CCDC167: variants seen among roughly 807,000 people sequenced by gnomAD.
The protein encoded by CCDC167 is coiled-coil domain containing 167.
A neutral mutation model predicts 12.7 loss-of-function variants in CCDC167; 15 were observed. The observed-to-expected ratio is 1.18, with a 90% confidence interval of 0.79 to 1.81. CCDC167 has a LOEUF of 1.81. CCDC167 is among the 40% of genes most tolerant of loss of function. CCDC167 has a pLI of 0.00. For missense variants in CCDC167, 121 were observed against 120.1 expected, an observed-to-expected ratio of 1.01 and a Z score of -0.03; for synonymous variants, 52 against 49.0, an observed-to-expected ratio of 1.06 and a Z score of -0.26.
At position 37,485,169 on chromosome 6, in the gene CCDC167, G is replaced by A; in HGVS notation, c.68C>T (p.Ser23Phe). 1.2e-6 allele frequency: 2 copies of A among 1,613,508 alleles called. No individual in the cohort carries two copies. The highest frequency in any genetic ancestry group is 1.1e-5 in the South Asian group (1 of 91,078). The change falls in exon 2 of 4, where the codon TCC becomes TTC. Residue 23 changes from serine (S) to phenylalanine (F), a missense_variant. Physicochemically the swap from Ser to Phe is radical, Grantham distance 155 (BLOSUM62 -2). Coordinates refer to ENST00000373408, the MANE Select transcript of CCDC167 (RefSeq NM_138493.3). ...GGCCTCCAGGTCTCTCCGACACTGGGACAGCTTCTCCTCTAGCCCATCGAT... is the reference window on the plus strand; with the variant it reads ...GGCCTCCAGGTCTCTCCGACACTGGAACAGCTTCTCCTCTAGCCCATCGAT... ...LEIDGLEEKL[S>F]QCRRDLEAVN...
intron 1 of CCDC167, 91 bp downstream of exon 1, chr6:37,499,731 C>T (rs941475751): frequency 5.0e-6 from 7 of 1,406,732 alleles, no homozygotes; most frequent in Non-Finnish European, 7.0e-6. Context: ...ACGCTTGGCT[C>T]CTCCTCCTAT....
intron 1 of CCDC167, among the ~76,000 whole-genome samples, chr6:37,496,357 C>T (rs549162318): frequency 2.0e-5 from 3 of 152,126 alleles, no homozygotes; most frequent in South Asian, 2.1e-4. Flanking sequence ...TGCTTGAACC[C>T]GGGAGGCTGG....
Position 37,483,074 on chromosome 6 carries a change from G to T in CCDC167, c.*112C>A. ...CCAGGAAGCCATGCTTGAACACTAG[G>T]TTGGGAGGGGAACACCCCAGCACCT... is the stretch of plus-strand genomic sequence containing the variant. On this transcript the variant is annotated 3_prime_UTR_variant, in exon 4 of 4. Coordinates refer to ENST00000373408, the MANE Select transcript of CCDC167 (RefSeq NM_138493.3). 1.2e-6 allele frequency: 1 copy of T among 862,774 alleles called. No individual in the cohort carries two copies. Among genetic ancestry groups the T allele is most frequent in the Non-Finnish European group, 2.0e-6 (1 of 509,026 alleles). 53.4% of individuals were successfully genotyped at this position (862,774 alleles called of 1,614,324 possible).
chr6:37,483,014 C>T lies in CCDC167; in HGVS notation c.*172G>A. 1.5e-6 allele frequency: 1 copy of T among 686,420 alleles called. No individual in the cohort carries two copies. Among genetic ancestry groups the T allele is most frequent in the South Asian group, 1.5e-5 (1 of 66,236 alleles). 42.5% of individuals were successfully genotyped at this position (686,420 alleles called of 1,614,324 possible). On this transcript the variant is annotated 3_prime_UTR_variant, in exon 4 of 4. Transcript: ENST00000373408. ...ACCATGTCCTTCTGGAGACCCGGAA[C>T]CCCCCAGCAGGCCAGGGAGGCAAGG...
At chr6:37,496,325 C>T (rs1219417179) in intron 1 of CCDC167, among the ~76,000 whole-genome samples, 5 of 151,994 alleles carry the variant, frequency 3.3e-5, no homozygotes, top group African/African-American at 9.7e-5. Flanking sequence ...CTCAGCTTCT[C>T]GGGAGGCTAA....
chr6:37,492,628 G>A (rs1762037585), intron 1 of CCDC167, among the ~76,000 whole-genome samples: 2 of 152,224 alleles, frequency 1.3e-5, no homozygotes, highest in African/African-American at 2.4e-5. Flanking sequence ...CAGCAGTACC[G>A]AAGCCTTCCC....
Position 37,484,648 on chromosome 6 carries a change from A to G in CCDC167, c.190+162T>C, listed in dbSNP as rs72853568. ...CAAAGCAACAAACCTGCTCTCCCGC[A>G]GGCTGCTGGACCTAGCAGGGGTGTC... On this transcript the variant is annotated intron_variant, in intron 3 of 3. Transcript: ENST00000373408. 9.8e-4 allele frequency among the ~76,000 whole-genome samples: 149 copies of G among 152,338 alleles called. 1 individual carries two copies. The highest frequency in any genetic ancestry group is 2.3e-3 in the South Asian group (11 of 4,828).
chr6:37,485,343 G>C, intron 1 of CCDC167, 149 bp from the exon 2 acceptor site: 1 of 638,360 alleles, frequency 1.6e-6, no homozygotes, highest in Non-Finnish European at 2.8e-6. Context: ...TGTCTTCCCT[G>C]GAGTGTCTTT....
At chr6:37,487,303 GC>G (rs1554123695) in intron 1 of CCDC167, among the ~76,000 whole-genome samples, 1 of 152,146 alleles carries the variant, frequency 6.6e-6, no homozygotes, top group Non-Finnish European at 1.5e-5. Flanking sequence ...TCCTCTTTGT[GC>G]CCACCAAGGC....
chr6:37,496,676 G>A (rs1321680806), intron 1 of CCDC167, among the ~76,000 whole-genome samples: 1 of 152,234 alleles, frequency 6.6e-6, no homozygotes, highest in African/African-American at 2.4e-5. Flanking sequence ...CCAGGCACGT[G>A]CTGGGCACTT....
chr6:37,498,329 C>A (rs1209403518), intron 1 of CCDC167, among the ~76,000 whole-genome samples: 1 of 152,168 alleles, frequency 6.6e-6, no homozygotes, highest in East Asian at 1.9e-4. Flanking sequence ...TCTGTTACTG[C>A]AGCTTATTGT....
At chr6:37,491,836 T>C (rs1041898827) in intron 1 of CCDC167, among the ~76,000 whole-genome samples, 6 of 152,160 alleles carry the variant, frequency 3.9e-5, no homozygotes, top group African/African-American at 1.4e-4. Context: ...ATTATCAGCA[T>C]CCACATTTGA....
At chr6:37,495,814 T>C (rs1193877305) in intron 1 of CCDC167, among the ~76,000 whole-genome samples, 1 of 152,204 alleles carries the variant, frequency 6.6e-6, no homozygotes, top group East Asian at 1.9e-4. Flanking sequence ...ACAAACATTT[T>C]TGATTAAATC....
At chr6:37,495,086 C>T (rs548951458) in intron 1 of CCDC167, among the ~76,000 whole-genome samples, 37 of 152,302 alleles carry the variant, frequency 2.4e-4, no homozygotes, top group African/African-American at 8.4e-4. Flanking sequence ...AGGCGTGAGC[C>T]ACTGCACCTG....
chr6:37,497,788 G>A (rs1465875854), intron 1 of CCDC167, among the ~76,000 whole-genome samples: 1 of 152,124 alleles, frequency 6.6e-6, no homozygotes, highest in Admixed American at 6.5e-5. Flanking sequence ...TTGAATGGGA[G>A]GTGGAGGTTG....
chr6:37,488,132 A>T (rs918046862), intron 1 of CCDC167, among the ~76,000 whole-genome samples: 3 of 152,228 alleles, frequency 2.0e-5, no homozygotes, highest in African/African-American at 7.2e-5. Flanking sequence ...GAAGCTGACA[A>T]TCAAACACCC....
At chr6:37,491,339 C>T (rs75861260) in intron 1 of CCDC167, among the ~76,000 whole-genome samples, 2,372 of 152,340 alleles carry the variant, frequency 0.016, 31 homozygotes, top group Non-Finnish European at 0.022. Flanking sequence ...TCTCTGCCCA[C>T]TCCCTAATGA....
chr6:37,497,031 G>C (rs374464935), intron 1 of CCDC167, among the ~76,000 whole-genome samples: 21 of 152,234 alleles, frequency 1.4e-4, no homozygotes, highest in African/African-American at 4.8e-4. Flanking sequence ...CAGAGGAAGG[G>C]AATCTGGCAG....
intron 1 of CCDC167, among the ~76,000 whole-genome samples, chr6:37,491,497 G>A (rs1217063690): frequency 6.6e-6 from 1 of 152,166 alleles, no homozygotes. Flanking sequence ...TCTGGCCAGC[G>A]AGTGACAGGT....
Sources: gnomAD v4.1 joint callset for allele counts (sites outside exome capture counted in the v4.1 genomes callset) on GRCh38, gnomAD v4.1.1 for gene constraint, MANE v1.5 for transcripts, NCBI Gene and HGNC (gene_info 2026-07-23, HGNC 2026-07-21) for gene names.